GMDS: variants seen among roughly 807,000 people sequenced by gnomAD.
GMDS encodes GDP-mannose 4,6-dehydratase.
In GMDS, 20 loss-of-function variants were observed where a neutral mutation model predicts 49.9. The ratio of observed to expected loss-of-function variants is 0.40; its 90% CI spans 0.28 to 0.58. GMDS has a LOEUF of 0.58. GMDS is among the 20% of genes least tolerant of loss of function. The pLI, the probability that GMDS is intolerant of heterozygous loss-of-function variation, is 0.42. For missense variants in GMDS, 362 were observed against 481.4 expected, an observed-to-expected ratio of 0.75 and a Z score of 2.32; for synonymous variants, 177 against 178.6, an observed-to-expected ratio of 0.99 and a Z score of 0.07.
chr6:1,959,542 T>C (rs1763824243), intron 6 of GMDS, among the ~76,000 whole-genome samples: 1 of 152,180 alleles, frequency 6.6e-6, no homozygotes, highest in South Asian at 2.1e-4. Context: ...CAATCATTAG[T>C]TTACTACTTA....
chr6:1,876,252 C>CTT (rs1010433882), intron 7 of GMDS, among the ~76,000 whole-genome samples: 2 of 151,472 alleles, frequency 1.3e-5, no homozygotes, highest in African/African-American at 4.9e-5. Flanking sequence ...GAGCGAAACT[C>CTT]TGTCTCAAAA....
At chr6:2,069,716 A>T (rs940505425) in intron 4 of GMDS, among the ~76,000 whole-genome samples, 2 of 152,190 alleles carry the variant, frequency 1.3e-5, no homozygotes, top group African/African-American at 4.8e-5. Flanking sequence ...AACCACAATG[A>T]GATACCATCT....
intron 9 of GMDS, among the ~76,000 whole-genome samples, chr6:1,626,615 G>A (rs1001433428): frequency 5.3e-5 from 8 of 152,152 alleles, no homozygotes; most frequent in African/African-American, 1.7e-4. Context: ...GCGGCTAGAC[G>A]GTGTGGAGAA....
At chr6:1,858,569 T>C (rs1758043106) in intron 7 of GMDS, among the ~76,000 whole-genome samples, 1 of 152,222 alleles carries the variant, frequency 6.6e-6, no homozygotes, top group South Asian at 2.1e-4. Flanking sequence ...TCTTTGGTTG[T>C]TATTTTCACT....
At chr6:1,925,869 G>A (rs1463386468) in intron 7 of GMDS, among the ~76,000 whole-genome samples, 1 of 151,994 alleles carries the variant, frequency 6.6e-6, no homozygotes, top group African/African-American at 2.4e-5. Flanking sequence ...ACACCCCCAT[G>A]CTGTGCCTAT....
At chr6:1,716,786 C>T (rs995953517) in intron 9 of GMDS, among the ~76,000 whole-genome samples, 8 of 152,306 alleles carry the variant, frequency 5.3e-5, no homozygotes, top group East Asian at 1.9e-4. Context: ...TCTTACACCC[C>T]GTCCCCCAAC....
At chr6:1,872,720 T>C (rs1466799999) in intron 7 of GMDS, among the ~76,000 whole-genome samples, 1 of 152,254 alleles carries the variant, frequency 6.6e-6, no homozygotes, top group African/African-American at 2.4e-5. Context: ...TGGCAATTTA[T>C]AGATGCGCTC....
At chr6:1,933,197 A>T (rs946471308) in intron 6 of GMDS, among the ~76,000 whole-genome samples, 5 of 152,214 alleles carry the variant, frequency 3.3e-5, no homozygotes, top group African/African-American at 9.7e-5. Flanking sequence ...TCCATACTGT[A>T]GCTTGAATCA....
intron 9 of GMDS, among the ~76,000 whole-genome samples, chr6:1,700,979 A>AGCCAGCTCAGGCTGATGAT (rs1376803787): frequency 6.6e-6 from 1 of 152,192 alleles, no homozygotes. Context: ...AATCCCAGGA[A>AGCCAGCTCAGGCTGATGAT]GCCAGCTCAG....
At chr6:2,122,695 A>G (rs1775207503) in intron 2 of GMDS, among the ~76,000 whole-genome samples, 1 of 152,258 alleles carries the variant, frequency 6.6e-6, no homozygotes, top group Non-Finnish European at 1.5e-5. Context: ...AGCCTATTAA[A>G]GTTGAATACA....
chr6:2,019,182 C>G (rs2127403760), intron 4 of GMDS, among the ~76,000 whole-genome samples: 1 of 150,936 alleles, frequency 6.6e-6, no homozygotes, highest in South Asian at 2.1e-4. Flanking sequence ...GAATTATCAG[C>G]TGAAATAATT....
intron 4 of GMDS, among the ~76,000 whole-genome samples, chr6:2,038,413 G>C (rs746043625): frequency 1.3e-5 from 2 of 152,156 alleles, no homozygotes; most frequent in Non-Finnish European, 2.9e-5. Context: ...GGCTTGTTTT[G>C]AGGGAGCTTA....
chr6:1,767,341 A>G (rs1273485842), intron 7 of GMDS, among the ~76,000 whole-genome samples: 3 of 152,242 alleles, frequency 2.0e-5, no homozygotes, highest in Non-Finnish European at 4.4e-5. Context: ...CAAGGAACTT[A>G]TTATTTGGGA....
intron 9 of GMDS, among the ~76,000 whole-genome samples, chr6:1,628,791 G>T (rs1762915858): frequency 6.6e-6 from 1 of 152,226 alleles, no homozygotes; most frequent in Non-Finnish European, 1.5e-5. Flanking sequence ...CGAGACTGAT[G>T]AAAGCCTTGG....
intron 7 of GMDS, among the ~76,000 whole-genome samples, chr6:1,874,270 CAG>C (rs140448626): frequency 0.013 from 2,001 of 152,244 alleles, 20 homozygotes; most frequent in Non-Finnish European, 0.022. Context: ...TGAAAATCAA[CAG>C]ATAGTATAGA....
intron 1 of GMDS, among the ~76,000 whole-genome samples, chr6:2,155,715 A>G (rs1358243728): frequency 6.6e-6 from 1 of 152,200 alleles, no homozygotes; most frequent in African/African-American, 2.4e-5. Flanking sequence ...AATGATGTGT[A>G]AGAAGAATAG....
In GMDS at chr6:1,726,467, G is replaced by A. The variant is rs1248684746; in HGVS notation, c.936C>T (p.Thr312=). Residue 312 remains threonine (T), a synonymous_variant, in exon 9 of 11, where the codon ACC becomes ACT. Transcript: ENST00000380815. ...NENEVGRCKE[T]GKVHVTVDLK... Reference sequence around the variant, plus strand: ...GATCCACAGTCACGTGAACTTTGCCGGTCTCTTTACATCTGCCCACTTCAT... The same window carrying A: ...GATCCACAGTCACGTGAACTTTGCCAGTCTCTTTACATCTGCCCACTTCAT... The A allele has an allele frequency of 7.4e-6, 12 of 1,613,642 alleles. No individual in the cohort carries two copies. Among genetic ancestry groups the A allele is most frequent in the East Asian group, 4.5e-5 (2 of 44,896 alleles).
In GMDS at chr6:1,706,898, T is replaced by C. The variant is rs545691833; in HGVS notation, c.987+19518A>G. On this transcript the variant is annotated intron_variant, in intron 9 of 10. Coordinates refer to ENST00000380815, the MANE Select transcript of GMDS (RefSeq NM_001500.4). ...AGTTATCCCCTATGGTTGGACACTA[T>C]GCTGTCGAACAGATCTCTAAACCTG... Among the ~76,000 whole-genome samples, 13 of 152,320 alleles carry C rather than the reference T, an allele frequency of 8.5e-5. No homozygotes were observed. The South Asian group carries it at 2.3e-3, about 27-fold the overall frequency.
intron 6 of GMDS, among the ~76,000 whole-genome samples, chr6:1,941,225 C>T (rs1028501856): frequency 5.9e-5 from 9 of 151,896 alleles, no homozygotes; most frequent in East Asian, 1.9e-4. Flanking sequence ...GGCCTTCCAA[C>T]GAGGGTCTAG....
Sources: gnomAD v4.1 joint callset for allele counts (sites outside exome capture counted in the v4.1 genomes callset) on GRCh38, gnomAD v4.1.1 for gene constraint, MANE v1.5 for transcripts, NCBI Gene and HGNC (gene_info 2026-07-23, HGNC 2026-07-21) for gene names.